Variants in NRXN1 observed in about 807,000 individuals in gnomAD.
The protein encoded by NRXN1 is neurexin 1, also known as neurexin-1.
In NRXN1, 39 loss-of-function variants were observed where a neutral mutation model predicts 150.9. The ratio of observed to expected loss-of-function variants is 0.26; its 90% CI spans 0.20 to 0.34. NRXN1 has a LOEUF of 0.34. Ranked by LOEUF, NRXN1 falls within the 10% of genes least tolerant of loss-of-function variation. NRXN1 has a pLI of 1.00. For missense variants in NRXN1, 1,815 were observed against 1,949.9 expected, an observed-to-expected ratio of 0.93 and a Z score of 1.30; for synonymous variants, 924 against 757.0, an observed-to-expected ratio of 1.22 and a Z score of -3.62.
chr2:50,646,069 G>C (rs1684772087), intron 5 of NRXN1, among the ~76,000 whole-genome samples: 1 of 151,912 alleles, frequency 6.6e-6, no homozygotes, highest in Non-Finnish European at 1.5e-5. Context: ...AAAAGGCAGG[G>C]AACATTCCAG....
intron 21 of NRXN1, among the ~76,000 whole-genome samples, chr2:49,992,804 A>C (rs1287513066): frequency 6.6e-6 from 1 of 152,212 alleles, no homozygotes; most frequent in Non-Finnish European, 1.5e-5. Context: ...GAGCACATGA[A>C]AGATGCTCCA....
At chr2:50,405,880 T>A (rs534858173) in intron 17 of NRXN1, among the ~76,000 whole-genome samples, 1 of 152,280 alleles carries the variant, frequency 6.6e-6, no homozygotes, top group South Asian at 2.1e-4. Flanking sequence ...CCAGTCATTT[T>A]TGAAGGTGAT....
chr2:49,930,439 C>T (rs985087089), intron 22 of NRXN1, among the ~76,000 whole-genome samples: 8 of 152,056 alleles, frequency 5.3e-5, no homozygotes, highest in African/African-American at 4.8e-5. Flanking sequence ...ATGGAGAAAA[C>T]TACACACAAG....
chr2:50,381,095 G>A (rs986967245), intron 17 of NRXN1, among the ~76,000 whole-genome samples: 1 of 151,848 alleles, frequency 6.6e-6, no homozygotes, highest in Non-Finnish European at 1.5e-5. Flanking sequence ...ATAATATCAG[G>A]GACATAATAA....
intron 21 of NRXN1, among the ~76,000 whole-genome samples, chr2:50,026,745 A>T (rs2152564130): frequency 6.6e-6 from 1 of 151,976 alleles, no homozygotes; most frequent in Non-Finnish European, 1.5e-5. Flanking sequence ...CTGAGAATAT[A>T]TCACCCGAAA....
At chr2:50,415,955 C>CAAAAAAAAAA (rs10585013) in intron 17 of NRXN1, among the ~76,000 whole-genome samples, 1 of 88,830 alleles carries the variant, frequency 1.1e-5, no homozygotes, top group Non-Finnish European at 3.0e-5. Context: ...CAACAACATA[C>CAAAAAAAAAA]AAAAAAAAAA....
At chr2:50,018,260 GC>G (rs891203718) in intron 21 of NRXN1, among the ~76,000 whole-genome samples, 1 of 152,100 alleles carries the variant, frequency 6.6e-6, no homozygotes, top group Non-Finnish European at 1.5e-5. Context: ...CATTTATAGG[GC>G]GGGTTTATTT....
intron 17 of NRXN1, among the ~76,000 whole-genome samples, chr2:50,459,785 G>C (rs1573059979): frequency 6.6e-6 from 1 of 152,144 alleles, no homozygotes; most frequent in East Asian, 1.9e-4. Flanking sequence ...TTTATCTTCA[G>C]TTTGTTCACA....
chr2:50,670,327 C>A (rs1688660361), intron 5 of NRXN1, among the ~76,000 whole-genome samples: 1 of 151,370 alleles, frequency 6.6e-6, no homozygotes, highest in Non-Finnish European at 1.5e-5. Context: ...TTAACAAGTG[C>A]TCTTCCATAT....
At chr2:50,887,171 A>G (rs1014798125) in intron 5 of NRXN1, among the ~76,000 whole-genome samples, 1 of 151,434 alleles carries the variant, frequency 6.6e-6, no homozygotes, top group Non-Finnish European at 1.5e-5. Context: ...TTGACCAACT[A>G]CAATTACGTT....
intron 2 of NRXN1, among the ~76,000 whole-genome samples, chr2:50,985,918 A>G (rs887292306): frequency 1.3e-5 from 2 of 151,798 alleles, no homozygotes; most frequent in Admixed American, 1.3e-4. Flanking sequence ...TTATATAAAA[A>G]GATTCTACAA....
intron 17 of NRXN1, among the ~76,000 whole-genome samples, chr2:50,238,831 C>T (rs1005350092): frequency 3.3e-5 from 5 of 151,832 alleles, no homozygotes; most frequent in Admixed American, 3.3e-4. Context: ...TAGACCTCTT[C>T]CAAGAAACAT....
chr2:50,800,503 A>G (rs1319032883), intron 5 of NRXN1, among the ~76,000 whole-genome samples: 1 of 152,210 alleles, frequency 6.6e-6, no homozygotes, highest in Admixed American at 6.5e-5. Flanking sequence ...GCTACTGCCT[A>G]ACTCAGTGTA....
At chr2:50,417,146 C>T (rs1010425786) in intron 17 of NRXN1, 2 of 151,998 alleles carry the variant, frequency 1.3e-5, no homozygotes, top group Non-Finnish European at 2.9e-5. Context: ...TTTATAAAAG[C>T]GGTCAAACCA....
chr2:50,755,879 G>T (rs1396992529), intron 5 of NRXN1, among the ~76,000 whole-genome samples: 2 of 151,834 alleles, frequency 1.3e-5, no homozygotes, highest in African/African-American at 2.4e-5. Flanking sequence ...AAAGTGTTGT[G>T]AGGGTTCCTT....
intron 17 of NRXN1, among the ~76,000 whole-genome samples, chr2:50,252,233 C>CTTTTTTTTTTTTT (rs55993018): frequency 2.3e-4 from 22 of 94,892 alleles, no homozygotes; most frequent in Admixed American, 4.5e-4. Context: ...ACATTTTGTC[C>CTTTTTTTTTTTTT]TTTTTTTTTT....
chr2:50,373,707 G>GAAAGAAAC (rs2080272619), intron 17 of NRXN1, among the ~76,000 whole-genome samples: 1 of 137,154 alleles, frequency 7.3e-6, no homozygotes, highest in African/African-American at 2.6e-5. Context: ...AAGAAAGAAA[G>GAAAGAAAC]AAAGAGAAAG....
intron 5 of NRXN1, among the ~76,000 whole-genome samples, chr2:50,704,963 C>A (rs1342403943): frequency 6.6e-6 from 1 of 151,730 alleles, no homozygotes; most frequent in Admixed American, 6.6e-5. Context: ...ACTGATCTTT[C>A]AAGAAGTAAA....
At chr2:50,302,844 C>G (rs1715993) in intron 17 of NRXN1, among the ~76,000 whole-genome samples, 74,856 of 151,882 alleles carry the variant, frequency 0.49, 19,671 homozygotes, top group Non-Finnish European at 0.57. Context: ...ATAACAGTTC[C>G]GAATTTGTTG....
Sources: gnomAD v4.1 joint callset for allele counts (sites outside exome capture counted in the v4.1 genomes callset) on GRCh38, gnomAD v4.1.1 for gene constraint, MANE v1.5 for transcripts, NCBI Gene and HGNC (gene_info 2026-07-23, HGNC 2026-07-21) for gene names.